SLC35F1: variants seen among roughly 807,000 people sequenced by gnomAD.
SLC35F1 encodes the protein chromosome 6 open reading frame 169.
A neutral mutation model predicts 48.7 loss-of-function variants in SLC35F1; 14 were observed. The ratio of observed to expected loss-of-function variants is 0.29; its 90% CI spans 0.19 to 0.45. SLC35F1 has a LOEUF of 0.45. Among genes scored for constraint, SLC35F1 ranks in the 20% least tolerant of loss-of-function variants. The probability of loss-of-function intolerance (pLI) is 1.00; values close to 1 mark genes in which losing one functional copy is unlikely to be tolerated. For missense variants in SLC35F1, 404 were observed against 500.0 expected, an observed-to-expected ratio of 0.81 and a Z score of 1.83; for synonymous variants, 190 against 202.2, an observed-to-expected ratio of 0.94 and a Z score of 0.51.
chr6:118,251,778 T>G (rs1391019190), intron 3 of SLC35F1, among the ~76,000 whole-genome samples: 6 of 152,168 alleles, frequency 3.9e-5, no homozygotes, highest in Admixed American at 3.9e-4. Flanking sequence ...CATGTGTATT[T>G]GTTCAGGGCT....
At chr6:117,926,290 C>A (rs1039390003) in intron 1 of SLC35F1, among the ~76,000 whole-genome samples, 1 of 152,152 alleles carries the variant, frequency 6.6e-6, no homozygotes, top group Non-Finnish European at 1.5e-5. Context: ...ATTCTCTCTC[C>A]TGCTGCCCTG....
At chr6:117,923,672 T>TATGTACAC (rs1554216696) in intron 1 of SLC35F1, among the ~76,000 whole-genome samples, 1 of 74,738 alleles carries the variant, frequency 1.3e-5, no homozygotes, top group Non-Finnish European at 2.5e-5. Flanking sequence ...TATATACATA[T>TATGTACAC]ATGTACATAT....
chr6:118,093,208 C>T lies in SLC35F1; in HGVS notation c.174-61237C>T, dbSNP rs190664170. On this transcript the variant is annotated intron_variant, in intron 1 of 7. Transcript: ENST00000360388. Reference sequence around the variant, plus strand: ...ACATGCACCTGTAGTCCCAGCTACTCGGGAAGCTGAGGTAGTAGAATGGCA... The same window carrying T: ...ACATGCACCTGTAGTCCCAGCTACTTGGGAAGCTGAGGTAGTAGAATGGCA... Among the ~76,000 whole-genome samples, 228 of 152,082 alleles carry T rather than the reference C, an allele frequency of 1.5e-3. 1 individual carries two copies. The highest frequency in any genetic ancestry group is 2.5e-3 in the Non-Finnish European group (170 of 67,982).
rs73518545 is a variant in SLC35F1, at chr6:118,301,516, A to G, written c.1003-12512A>G. On this transcript the variant is annotated intron_variant, in intron 7 of 7. Coordinates refer to ENST00000360388, the MANE Select transcript of SLC35F1 (RefSeq NM_001029858.4). ...GTATGAAGGAATGGAACTCACATTA[A>G]AGGCTTAACATTTGGTAAGAAATTT... Among the ~76,000 whole-genome samples the G allele has an allele frequency of 9.2e-3, 1,403 of 152,302 alleles. 26 individuals are homozygous for G. Among genetic ancestry groups the G allele is most frequent in the African/African-American group, 0.032 (1,339 of 41,568 alleles).
At chr6:117,944,612 C>G (rs1368841580) in intron 1 of SLC35F1, among the ~76,000 whole-genome samples, 1 of 151,802 alleles carries the variant, frequency 6.6e-6, no homozygotes, top group Non-Finnish European at 1.5e-5. Context: ...CACACACACA[C>G]ACACACACAC....
chr6:117,924,037 G>A (rs532500230), intron 1 of SLC35F1, among the ~76,000 whole-genome samples: 1 of 149,000 alleles, frequency 6.7e-6, no homozygotes, highest in Non-Finnish European at 1.5e-5. Flanking sequence ...ACACACATAG[G>A]TACACATGCA....
chr6:118,285,167 C>G lies in SLC35F1; in HGVS notation c.848-17C>G. 2 of 1,611,390 alleles carry G rather than the reference C, an allele frequency of 1.2e-6. No individual in the cohort carries two copies. The highest frequency in any genetic ancestry group is 1.7e-6 in the Non-Finnish European group (2 of 1,177,934). On this transcript the variant is annotated splice_polypyrimidine_tract_variant and intron_variant, in intron 6 of 7. Transcript: ENST00000360388. The stretch of plus-strand genomic sequence containing the variant: ...GGAGGAGGCCCTGACGCTGCCTTCT[C>G]TTTACTCTTCCCCCAGGACTGCTCT...
intron 3 of SLC35F1, among the ~76,000 whole-genome samples, chr6:118,247,482 T>C (rs930012202): frequency 6.6e-6 from 1 of 152,232 alleles, no homozygotes; most frequent in Admixed American, 6.5e-5. Flanking sequence ...GGGCTAAGCT[T>C]TGTCTGCAAT....
At chr6:118,074,635 TA>T (rs1373178107) in intron 1 of SLC35F1, among the ~76,000 whole-genome samples, 1 of 152,218 alleles carries the variant, frequency 6.6e-6, no homozygotes, top group African/African-American at 2.4e-5. Flanking sequence ...ATTATCCAGT[TA>T]CTTTAAGACA....
chr6:118,071,120 T>C (rs1410234899), intron 1 of SLC35F1, among the ~76,000 whole-genome samples: 1 of 89,498 alleles, frequency 1.1e-5, no homozygotes, highest in African/African-American at 4.0e-5. Flanking sequence ...TATATATACA[T>C]ATATACATAT....
chr6:118,193,107 T>A (rs954040447), intron 2 of SLC35F1, among the ~76,000 whole-genome samples: 4 of 152,182 alleles, frequency 2.6e-5, no homozygotes, highest in Non-Finnish European at 5.9e-5. Context: ...CAAAAATCTT[T>A]CATTATCTTT....
chr6:118,273,198 C>T (rs1192981745), intron 4 of SLC35F1, among the ~76,000 whole-genome samples: 1 of 151,982 alleles, frequency 6.6e-6, no homozygotes, highest in African/African-American at 2.4e-5. Context: ...GAGTATATTT[C>T]CTACAGTCAA....
intron 1 of SLC35F1, among the ~76,000 whole-genome samples, chr6:117,997,495 A>G (rs1777013251): frequency 6.6e-6 from 1 of 152,138 alleles, no homozygotes; most frequent in African/African-American, 2.4e-5. Context: ...AGTTGAAATG[A>G]AGGAAAAAAT....
At chr6:118,120,654 C>G (rs1168682868) in intron 1 of SLC35F1, among the ~76,000 whole-genome samples, 1 of 152,050 alleles carries the variant, frequency 6.6e-6, no homozygotes, top group African/African-American at 2.4e-5. Context: ...GGGCTCAAAC[C>G]ACAAATTCAT....
rs564538864 is a variant in SLC35F1 at position 118,076,895 on chromosome 6, A to G, written c.174-77550A>G. Among the ~76,000 whole-genome samples, 97 of 151,912 alleles carry G rather than the reference A, an allele frequency of 6.4e-4. 1 individual carries two copies. Among genetic ancestry groups the G allele is most frequent in the Non-Finnish European group, 1.3e-3 (86 of 67,990 alleles). ...AGACGCTTTACCATATTTATTTTAT[A>G]TAGGGCCAGTTTTTTTCTCTTTCTT... On this transcript the variant is annotated intron_variant, in intron 1 of 7. Coordinates refer to ENST00000360388, the MANE Select transcript of SLC35F1 (RefSeq NM_001029858.4).
intron 3 of SLC35F1, among the ~76,000 whole-genome samples, chr6:118,242,591 T>C (rs554924681): frequency 1.3e-5 from 2 of 152,354 alleles, no homozygotes; most frequent in Admixed American, 6.5e-5. Context: ...TAGATTGTGC[T>C]GTGACTTTGA....
intron 1 of SLC35F1, among the ~76,000 whole-genome samples, chr6:118,060,470 C>T (rs575165040): frequency 4.0e-5 from 6 of 151,686 alleles, no homozygotes; most frequent in Middle Eastern, 3.2e-3. Context: ...TTAAAATTAT[C>T]CCTTTATCAC....
intron 7 of SLC35F1, among the ~76,000 whole-genome samples, chr6:118,310,953 AT>A (rs1173532857): frequency 1.3e-5 from 2 of 152,186 alleles, no homozygotes; most frequent in African/African-American, 4.8e-5. Flanking sequence ...CAAGTCTAAA[AT>A]CATAAATGGA....
chr6:118,208,099 A>ACG (rs1297787812), intron 2 of SLC35F1, among the ~76,000 whole-genome samples: 4 of 142,808 alleles, frequency 2.8e-5, no homozygotes, highest in Non-Finnish European at 4.6e-5. Context: ...ACACACATGC[A>ACG]CGCACACACA....
Sources: gnomAD v4.1 joint callset for allele counts (sites outside exome capture counted in the v4.1 genomes callset) on GRCh38, gnomAD v4.1.1 for gene constraint, MANE v1.5 for transcripts, NCBI Gene and HGNC (gene_info 2026-07-23, HGNC 2026-07-21) for gene names.